Variants in ZDHHC14 observed in about 807,000 individuals in gnomAD.
ZDHHC14 encodes the protein palmitoyltransferase ZDHHC14.
ZDHHC14 carries 16 observed loss-of-function variants against 47.7 expected under a neutral mutation model. The observed-to-expected ratio is 0.34, with a 90% CI of 0.23 to 0.51. ZDHHC14 has a LOEUF of 0.51. Ranked by LOEUF, ZDHHC14 falls within the 20% of genes least tolerant of loss-of-function variation. ZDHHC14 has a pLI of 0.97. For synonymous variants in ZDHHC14, 293 were observed against 278.9 expected, an observed-to-expected ratio of 1.05 and a Z score of -0.50; for missense variants, 515 against 662.5, an observed-to-expected ratio of 0.78 and a Z score of 2.44.
chr6:157,664,712 G>C (rs1221687504), intron 8 of ZDHHC14, among the ~76,000 whole-genome samples: 1 of 152,168 alleles, frequency 6.6e-6, no homozygotes, highest in Admixed American at 6.5e-5. Flanking sequence ...TGTGTTGGAG[G>C]TGTTCATGAC....
chr6:157,447,336 C>G (rs374776974), intron 1 of ZDHHC14, among the ~76,000 whole-genome samples: 1 of 152,186 alleles, frequency 6.6e-6, no homozygotes, highest in Non-Finnish European at 1.5e-5. Flanking sequence ...GGGGGCACCT[C>G]CTACTTTCTA....
At chr6:157,460,057 CAAA>C (rs35995673) in intron 1 of ZDHHC14, among the ~76,000 whole-genome samples, 29,115 of 118,130 alleles carry the variant, frequency 0.25, 3,117 homozygotes, top group African/African-American at 0.3. Flanking sequence ...ACTAAAAATA[CAAA>C]AAAAAAAAAA....
chr6:157,439,692 A>G (rs927935109), intron 1 of ZDHHC14, among the ~76,000 whole-genome samples: 1 of 152,212 alleles, frequency 6.6e-6, no homozygotes, highest in Non-Finnish European at 1.5e-5. Context: ...TCATCCTATT[A>G]CAAAGGTTCA....
At chr6:157,424,484 G>A (rs1778176370) in intron 1 of ZDHHC14, among the ~76,000 whole-genome samples, 1 of 152,190 alleles carries the variant, frequency 6.6e-6, no homozygotes, top group Admixed American at 6.5e-5. Flanking sequence ...GAGAACAAGT[G>A]TCTTTCTGAG....
intron 1 of ZDHHC14, among the ~76,000 whole-genome samples, chr6:157,436,953 G>A (rs1048958774): frequency 7.9e-5 from 12 of 152,092 alleles, no homozygotes; most frequent in Non-Finnish European, 1.5e-4. Context: ...AGGTGGTGGG[G>A]ATTGGGGTTG....
At chr6:157,667,566 A>AC (rs1778608289) in intron 8 of ZDHHC14, among the ~76,000 whole-genome samples, 1 of 152,094 alleles carries the variant, frequency 6.6e-6, no homozygotes, top group Non-Finnish European at 1.5e-5. Context: ...CAAGAAAGTT[A>AC]AGTAGAAAAG....
intron 1 of ZDHHC14, among the ~76,000 whole-genome samples, chr6:157,492,111 G>A (rs1779933530): frequency 6.6e-6 from 1 of 152,044 alleles, no homozygotes; most frequent in Non-Finnish European, 1.5e-5. Context: ...GGCAGGTGCT[G>A]TCACTGTCCC....
At chr6:157,669,248 T>C (rs1778685115) in intron 8 of ZDHHC14, among the ~76,000 whole-genome samples, 1 of 148,026 alleles carries the variant, frequency 6.8e-6, no homozygotes, top group African/African-American at 2.5e-5. Flanking sequence ...CAGGCTTAGG[T>C]GGCAGAGAGG....
At chr6:157,542,238 G>C (rs1251891230) in intron 1 of ZDHHC14, among the ~76,000 whole-genome samples, 3 of 152,170 alleles carry the variant, frequency 2.0e-5, no homozygotes, top group Non-Finnish European at 2.9e-5. Context: ...ATAGACTCCC[G>C]AACCGTGTTT....
At chr6:157,635,079 C>T (rs538568038) in intron 5 of ZDHHC14, among the ~76,000 whole-genome samples, 5 of 152,100 alleles carry the variant, frequency 3.3e-5, no homozygotes, top group Admixed American at 6.5e-5. Context: ...CTGCAACCTC[C>T]GCCTCCCGGG....
At chr6:157,552,598 G>A (rs1782279030) in intron 2 of ZDHHC14, among the ~76,000 whole-genome samples, 1 of 152,208 alleles carries the variant, frequency 6.6e-6, no homozygotes, top group Admixed American at 6.5e-5. Context: ...AATGGACCAA[G>A]GCAAGGAGGT....
intron 8 of ZDHHC14, among the ~76,000 whole-genome samples, chr6:157,657,792 A>G (rs572367799): frequency 2.6e-5 from 4 of 152,230 alleles, no homozygotes; most frequent in Non-Finnish European, 5.9e-5. Context: ...TCTGTTCCAC[A>G]TGCTAAATGC....
At chr6:157,484,413 C>CGT (rs1779724675) in intron 1 of ZDHHC14, among the ~76,000 whole-genome samples, 18 of 141,466 alleles carry the variant, frequency 1.3e-4, no homozygotes, top group African/African-American at 4.6e-4. Context: ...TATATGTATA[C>CGT]ACATATACAT....
intron 3 of ZDHHC14, among the ~76,000 whole-genome samples, chr6:157,607,534 C>G (rs1784588774): frequency 6.6e-6 from 1 of 152,134 alleles, no homozygotes; most frequent in African/African-American, 2.4e-5. Context: ...TACAGTGTGG[C>G]CTGCCTGGCC....
chr6:157,507,168 T>C (rs1780347457), intron 1 of ZDHHC14, among the ~76,000 whole-genome samples: 1 of 152,310 alleles, frequency 6.6e-6, no homozygotes, highest in South Asian at 2.1e-4. Context: ...ATATCATAAA[T>C]TTTTATTAAA....
chr6:157,487,438 T>C (rs1370364944), intron 1 of ZDHHC14, among the ~76,000 whole-genome samples: 3 of 152,014 alleles, frequency 2.0e-5, no homozygotes, highest in South Asian at 2.1e-4. Flanking sequence ...AAATCCAAAA[T>C]AAAGAAAAAA....
intron 1 of ZDHHC14, among the ~76,000 whole-genome samples, chr6:157,406,419 G>A (rs1009356547): frequency 9.2e-5 from 14 of 152,212 alleles, no homozygotes; most frequent in Admixed American, 5.9e-4. Context: ...TCGTACCTTT[G>A]GTTGAATATG....
At chr6:157,401,229 T>C (rs1777629017) in intron 1 of ZDHHC14, among the ~76,000 whole-genome samples, 1 of 152,182 alleles carries the variant, frequency 6.6e-6, no homozygotes, top group Admixed American at 6.5e-5. Flanking sequence ...TTTCAAATAA[T>C]GGACTCTAAA....
chr6:157,618,146 G>A (rs1326502783), intron 3 of ZDHHC14, among the ~76,000 whole-genome samples: 1 of 152,194 alleles, frequency 6.6e-6, no homozygotes, highest in East Asian at 1.9e-4. Flanking sequence ...CCCAAAGATG[G>A]CGTAAGGTCA....
Sources: gnomAD v4.1 joint callset for allele counts (sites outside exome capture counted in the v4.1 genomes callset) on GRCh38, gnomAD v4.1.1 for gene constraint, MANE v1.5 for transcripts, NCBI Gene and HGNC (gene_info 2026-07-23, HGNC 2026-07-21) for gene names.